Variants in HS3ST4 observed in about 807,000 individuals in gnomAD.
HS3ST4 encodes the protein heparan sulfate-glucosamine 3-sulfotransferase 4, also known as heparan sulfate glucosamine 3-O-sulfotransferase 4.
In HS3ST4, 17 loss-of-function variants were observed where a neutral mutation model predicts 29.2. The observed-to-expected ratio is 0.58, with a 90% CI of 0.40 to 0.87. HS3ST4 has a LOEUF of 0.87. HS3ST4 is among the 40% of genes least tolerant of loss of function. HS3ST4 has a pLI of 0.00. For synonymous variants in HS3ST4, 314 were observed against 285.7 expected (o/e 1.10, Z -1.00); for missense variants, 627 against 634.5 (o/e 0.99, Z 0.13).
At chr16:25,739,943 C>T (rs1966641172) in intron 1 of HS3ST4, among the ~76,000 whole-genome samples, 1 of 152,216 alleles carries the variant, frequency 6.6e-6, no homozygotes, top group Non-Finnish European at 1.5e-5. Flanking sequence ...CTGGGTGAGA[C>T]TCTTTACCCA....
At chr16:26,116,750 C>T (rs1021005430) in intron 1 of HS3ST4, among the ~76,000 whole-genome samples, 3 of 152,132 alleles carry the variant, frequency 2.0e-5, no homozygotes, top group African/African-American at 7.2e-5. Context: ...TCCATTCATC[C>T]ATCTACTTAT....
chr16:25,892,757 C>T (rs1968022762), intron 1 of HS3ST4, among the ~76,000 whole-genome samples: 1 of 152,178 alleles, frequency 6.6e-6, no homozygotes, highest in Non-Finnish European at 1.5e-5. Context: ...ACCCGCCCTC[C>T]TTTTCCAGGG....
chr16:25,962,169 A>G (rs925274572), intron 1 of HS3ST4, among the ~76,000 whole-genome samples: 15 of 152,142 alleles, frequency 9.9e-5, no homozygotes, highest in Non-Finnish European at 1.9e-4. Context: ...CCAGGGAGAA[A>G]ACAAGGTACG....
At chr16:25,870,638 C>T (rs12708686) in intron 1 of HS3ST4, among the ~76,000 whole-genome samples, 105,554 of 152,002 alleles carry the variant, frequency 0.69, 36,928 homozygotes, top group African/African-American at 0.77. Context: ...CTTTTTAGTC[C>T]GAGATGGAAA....
intron 1 of HS3ST4, among the ~76,000 whole-genome samples, chr16:25,868,634 T>C (rs947275032): frequency 6.6e-6 from 1 of 152,206 alleles, no homozygotes; most frequent in East Asian, 1.9e-4. Context: ...AGAGAAACCT[T>C]GTGTTCCCTC....
intron 1 of HS3ST4, among the ~76,000 whole-genome samples, chr16:26,035,388 C>G (rs897413482): frequency 2.0e-5 from 3 of 152,182 alleles, no homozygotes; most frequent in African/African-American, 7.2e-5. Context: ...TTTTTACATC[C>G]AACTGCCTCT....
intron 1 of HS3ST4, among the ~76,000 whole-genome samples, chr16:25,991,929 G>T (rs1596637930): frequency 9.8e-6 from 1 of 101,840 alleles, no homozygotes; most frequent in Admixed American, 1.0e-4. Flanking sequence ...GCTGAGGCAG[G>T]AGAATGGCGT....
rs552049741 is a variant in HS3ST4 at position 25,729,405 on chromosome 16, T to C, written c.734+36254T>C. ...CACAGCACGCCCACATCCTTCTGAT[T>C]TGGGACAGGCAGAAAGCATGGAGTA... On this transcript the variant is annotated intron_variant, in intron 1 of 1. Coordinates refer to ENST00000331351, the MANE Select transcript of HS3ST4 (RefSeq NM_006040.3). Among the ~76,000 whole-genome samples the C allele has an allele frequency of 5.3e-5, 8 of 152,302 alleles. No individual in the cohort carries two copies. In the East Asian group the frequency reaches 1.5e-3, roughly 29 times the overall value.
chr16:25,892,223 C>T (rs1968016560), intron 1 of HS3ST4, among the ~76,000 whole-genome samples: 1 of 152,062 alleles, frequency 6.6e-6, no homozygotes, highest in South Asian at 2.1e-4. Flanking sequence ...AGAGCTGATC[C>T]CAGAGAGAGG....
chr16:26,108,935 G>A (rs1251239874), intron 1 of HS3ST4, among the ~76,000 whole-genome samples: 1 of 152,062 alleles, frequency 6.6e-6, no homozygotes, highest in Non-Finnish European at 1.5e-5. Context: ...TGGCCTGGAA[G>A]CACTAAGAGG....
At chr16:26,027,177 G>A (rs867092217) in intron 1 of HS3ST4, among the ~76,000 whole-genome samples, 2 of 152,142 alleles carry the variant, frequency 1.3e-5, no homozygotes, top group African/African-American at 2.4e-5. Context: ...ACTCTGAACT[G>A]GGGATTACTT....
At chr16:25,818,164 G>A (rs1567246546) in intron 1 of HS3ST4, among the ~76,000 whole-genome samples, 1 of 152,234 alleles carries the variant, frequency 6.6e-6, no homozygotes, top group Non-Finnish European at 1.5e-5. Flanking sequence ...TGGGCTAAAA[G>A]TTTGTGTATC....
chr16:25,908,723 A>C (rs185870716), intron 1 of HS3ST4, among the ~76,000 whole-genome samples: 68 of 152,334 alleles, frequency 4.5e-4, no homozygotes, highest in African/African-American at 1.3e-3. Context: ...CAATGGCAAG[A>C]GCGTGTTATC....
chr16:25,974,779 A>G (rs1968928080), intron 1 of HS3ST4, among the ~76,000 whole-genome samples: 1 of 152,226 alleles, frequency 6.6e-6, no homozygotes, highest in African/African-American at 2.4e-5. Flanking sequence ...CATATTTAGA[A>G]AAACATGTCA....
At chr16:26,062,320 T>C (rs940151313) in intron 1 of HS3ST4, among the ~76,000 whole-genome samples, 46 of 152,216 alleles carry the variant, frequency 3.0e-4, no homozygotes, top group Middle Eastern at 3.2e-3. Flanking sequence ...AGTCTTCTCA[T>C]CTGTAAAATG....
intron 1 of HS3ST4, among the ~76,000 whole-genome samples, chr16:25,857,892 T>TCC: frequency 1.2e-5 from 1 of 82,772 alleles, no homozygotes; most frequent in South Asian, 4.2e-4. Flanking sequence ...CTTTCTTTCT[T>TCC]TTTCTTTCTT....
chr16:25,767,500 C>T (rs1490338617), intron 1 of HS3ST4, among the ~76,000 whole-genome samples: 1 of 152,166 alleles, frequency 6.6e-6, no homozygotes, highest in Non-Finnish European at 1.5e-5. Flanking sequence ...GTCAAAACTT[C>T]TCATTTTGAA....
intron 1 of HS3ST4, among the ~76,000 whole-genome samples, chr16:26,064,864 GC>G (rs915628352): frequency 1.8e-4 from 27 of 152,236 alleles, no homozygotes; most frequent in African/African-American, 6.0e-4. Context: ...TGATCCACCT[GC>G]TGCGGCCTCC....
chr16:25,854,470 T>C (rs1311737207), intron 1 of HS3ST4, among the ~76,000 whole-genome samples: 1 of 152,092 alleles, frequency 6.6e-6, no homozygotes, highest in African/African-American at 2.4e-5. Context: ...TTGCCTTCTG[T>C]ATTGCCATCT....
Sources: gnomAD v4.1 joint callset for allele counts (sites outside exome capture counted in the v4.1 genomes callset) on GRCh38, gnomAD v4.1.1 for gene constraint, MANE v1.5 for transcripts, NCBI Gene and HGNC (gene_info 2026-07-23, HGNC 2026-07-21) for gene names.